The following IQCB1 variants were observed in gnomAD, a reference collection of about 807,000 sequenced individuals.
IQCB1 encodes IQ calmodulin-binding motif-containing protein 1.
A neutral mutation model predicts 84.4 loss-of-function variants in IQCB1; 56 were observed. The observed-to-expected ratio is 0.66, with a 90% confidence interval of 0.54 to 0.83. The LOEUF is 0.83. Ranked by LOEUF, IQCB1 falls within the 40% of genes least tolerant of loss-of-function variation. The pLI is 0.00. For missense variants in IQCB1, 629 were observed against 682.1 expected (o/e 0.92, Z 0.87); for synonymous variants, 210 against 234.8 (o/e 0.89, Z 0.96).
At chr3:121,782,312 C>T (rs1190413172) in intron 12 of IQCB1, among the ~76,000 whole-genome samples, 2 of 152,200 alleles carry the variant, frequency 1.3e-5, no homozygotes, top group Admixed American at 6.5e-5. Flanking sequence ...TCAGAATGGA[C>T]TCTGGTAAAA....
chr3:121,773,540 C>T (rs1948096990), intron 13 of IQCB1, among the ~76,000 whole-genome samples: 1 of 152,024 alleles, frequency 6.6e-6, no homozygotes, highest in South Asian at 2.1e-4. Flanking sequence ...TTAGTTTGGG[C>T]AAGGATGAAA....
intron 9 of IQCB1, among the ~76,000 whole-genome samples, chr3:121,796,628 G>T (rs1235444447): frequency 1.3e-5 from 2 of 152,054 alleles, no homozygotes; most frequent in East Asian, 3.9e-4. Context: ...GTAGCCATAG[G>T]TAACCATAAA....
chr3:121,829,586 A>G (rs937871224), intron 2 of IQCB1, among the ~76,000 whole-genome samples: 6 of 152,200 alleles, frequency 3.9e-5, no homozygotes, highest in Non-Finnish European at 7.3e-5. Flanking sequence ...CCATCCTCCA[A>G]TAAAAATTCT....
At chr3:121,779,489 A>AT (rs796977500) in intron 13 of IQCB1, among the ~76,000 whole-genome samples, 13 of 151,248 alleles carry the variant, frequency 8.6e-5, no homozygotes, top group African/African-American at 1.7e-4. Context: ...TGATTCAGGT[A>AT]TTTTTTTTTA....
chr3:121,825,170 C>T (rs747756264), intron 5 of IQCB1, among the ~76,000 whole-genome samples: 4 of 151,470 alleles, frequency 2.6e-5, no homozygotes, highest in Non-Finnish European at 5.9e-5. Context: ...AAGTGATCCT[C>T]CTGCCTCAGC....
At chr3:121,771,982 TG>T (rs1217437637) in intron 14 of IQCB1, among the ~76,000 whole-genome samples, 1 of 152,090 alleles carries the variant, frequency 6.6e-6, no homozygotes, top group African/African-American at 2.4e-5. Context: ...GAGACCATCC[TG>T]GCCAACATGG....
At chr3:121,815,551 C>T (rs1340076657) in intron 5 of IQCB1, among the ~76,000 whole-genome samples, 2 of 152,198 alleles carry the variant, frequency 1.3e-5, no homozygotes, top group African/African-American at 4.8e-5. Context: ...TAAGCAACTT[C>T]AGCAAAGTCT....
At chr3:121,771,796 T>C (rs2108505722) in intron 14 of IQCB1, among the ~76,000 whole-genome samples, 1 of 152,362 alleles carries the variant, frequency 6.6e-6, no homozygotes. Flanking sequence ...TCCAAGATGC[T>C]GACTGAAACA....
chr3:121,792,490 T>C (rs1270403139), intron 10 of IQCB1, among the ~76,000 whole-genome samples: 1 of 147,052 alleles, frequency 6.8e-6, no homozygotes, highest in Non-Finnish European at 1.5e-5. Flanking sequence ...AAACCCCGTC[T>C]CTACTAAAAA....
intron 14 of IQCB1, 114 bp downstream of exon 14, chr3:121,772,443 G>T: frequency 9.7e-7 from 1 of 1,030,330 alleles, no homozygotes; most frequent in Non-Finnish European, 1.5e-6. Flanking sequence ...AATTTCCTGA[G>T]GTTAGGGGAT....
intron 12 of IQCB1, among the ~76,000 whole-genome samples, chr3:121,785,475 T>C (rs1948669744): frequency 6.6e-6 from 1 of 152,098 alleles, no homozygotes; most frequent in African/African-American, 2.4e-5. Context: ...GGCTGGTATA[T>C]TACTTTCAAT....
intron 6 of IQCB1, among the ~76,000 whole-genome samples, chr3:121,807,763 T>C (rs1029013407): frequency 1.3e-5 from 2 of 151,924 alleles, no homozygotes; most frequent in African/African-American, 4.8e-5. Context: ...TTTCAGTGAA[T>C]AAAAACAAAT....
At chr3:121,784,730 G>A (rs1948638628) in intron 12 of IQCB1, among the ~76,000 whole-genome samples, 1 of 152,086 alleles carries the variant, frequency 6.6e-6, no homozygotes, top group Non-Finnish European at 1.5e-5. Context: ...CACCCTGGCT[G>A]GAGTGCAGTG....
chr3:121,805,399 G>C (rs1576584753), intron 7 of IQCB1, among the ~76,000 whole-genome samples: 1 of 152,160 alleles, frequency 6.6e-6, no homozygotes, highest in African/African-American at 2.4e-5. Context: ...GATGGCACAA[G>C]TGGGATTTTT....
intron 13 of IQCB1, among the ~76,000 whole-genome samples, chr3:121,778,567 C>G (rs1166867466): frequency 4.6e-5 from 7 of 150,724 alleles, no homozygotes; most frequent in African/African-American, 1.7e-4. Flanking sequence ...TTGCCAGGTA[C>G]AGAATTCTAG....
chr3:121,789,445 G>C (rs1948868242), intron 11 of IQCB1, among the ~76,000 whole-genome samples: 1 of 152,160 alleles, frequency 6.6e-6, no homozygotes, highest in African/African-American at 2.4e-5. Context: ...ACTCAGCTGA[G>C]AGTTGAGCTG....
At chr3:121,774,029 C>T (rs1407984317) in intron 13 of IQCB1, among the ~76,000 whole-genome samples, 2 of 151,590 alleles carry the variant, frequency 1.3e-5, no homozygotes, top group African/African-American at 4.8e-5. Flanking sequence ...GATTAATCTC[C>T]ATAATATATA....
intron 2 of IQCB1, 98 bp from the exon 3 acceptor site, chr3:121,829,070 A>C: frequency 4.1e-6 from 3 of 740,140 alleles, no homozygotes; most frequent in Non-Finnish European, 7.1e-6. Context: ...AAATAAAAAC[A>C]GCTTTTCTTG....
chr3:121,825,622 A>G (rs1950439985), intron 5 of IQCB1, among the ~76,000 whole-genome samples: 1 of 152,228 alleles, frequency 6.6e-6, no homozygotes, highest in African/African-American at 2.4e-5. Context: ...AAATACTTGA[A>G]AAGACCCCTA....
Sources: gnomAD v4.1 joint callset for allele counts (sites outside exome capture counted in the v4.1 genomes callset) on GRCh38, gnomAD v4.1.1 for gene constraint, MANE v1.5 for transcripts, NCBI Gene and HGNC (gene_info 2026-07-23, HGNC 2026-07-21) for gene names.